Variants in LRP6 observed in about 807,000 individuals in gnomAD.
LRP6 encodes LDL receptor related protein 6.
Under a neutral mutation model 184.1 loss-of-function variants are expected in LRP6, and 43 were observed. The observed-to-expected ratio is 0.23, with a 90% CI of 0.18 to 0.30. The LOEUF (loss-of-function observed/expected upper bound fraction) is 0.30, where lower values mean the gene tolerates loss of function less well. Ranked by LOEUF, LRP6 falls within the 10% of genes least tolerant of loss-of-function variation. LRP6 has a pLI of 1.00. For synonymous variants in LRP6, 719 were observed against 684.9 expected (o/e 1.05, Z -0.78); for missense variants, 1,571 against 2,005.3 (o/e 0.78, Z 4.14).
intron 16 of LRP6, among the ~76,000 whole-genome samples, chr12:12,137,980 T>A (rs1429785723): frequency 6.6e-6 from 1 of 151,368 alleles, no homozygotes; most frequent in East Asian, 1.9e-4. Flanking sequence ...CTGGACAACA[T>A]GGTGAAACCC....
chr12:12,178,086 A>AT (rs1416412959), intron 7 of LRP6, among the ~76,000 whole-genome samples: 1 of 152,136 alleles, frequency 6.6e-6, no homozygotes, highest in African/African-American at 2.4e-5. Context: ...AGGAATTCTA[A>AT]TTTTAAAATC....
chr12:12,234,168 T>A (rs1489261146), intron 2 of LRP6, among the ~76,000 whole-genome samples: 4 of 151,940 alleles, frequency 2.6e-5, no homozygotes, highest in Non-Finnish European at 4.4e-5. Flanking sequence ...ATGCATGTAG[T>A]CCCAGCTACT....
chr12:12,166,145 CAT>C (rs1484837988), intron 7 of LRP6, among the ~76,000 whole-genome samples: 1 of 152,076 alleles, frequency 6.6e-6, no homozygotes, highest in African/African-American at 2.4e-5. Flanking sequence ...TTCACATGTA[CAT>C]GTTTTTAGTA....
chr12:12,143,563 T>C (rs1459410528), intron 15 of LRP6, among the ~76,000 whole-genome samples: 2 of 152,172 alleles, frequency 1.3e-5, no homozygotes, highest in Non-Finnish European at 2.9e-5. Flanking sequence ...CATCAGAGTC[T>C]AGAAACAAAC....
chr12:12,147,295 G>A (rs1591885246), intron 15 of LRP6, 71 bp downstream of exon 15: 2 of 1,526,630 alleles, frequency 1.3e-6, no homozygotes, highest in South Asian at 2.3e-5. Flanking sequence ...ACAATACGAT[G>A]CAAGAAAAAC....
chr12:12,147,251 T>G, intron 15 of LRP6, 115 bp downstream of exon 15: 1 of 1,166,780 alleles, frequency 8.6e-7, no homozygotes, highest in South Asian at 1.3e-5. Flanking sequence ...CTGACTACAT[T>G]TAATGAATAA....
Position 12,238,992 on chromosome 12 carries a change from C to A in LRP6, c.449+5270G>T, listed in dbSNP as rs188894040. Among the ~76,000 whole-genome samples the A allele has an allele frequency of 2.4e-3, 372 of 152,138 alleles. 2 individuals carry two copies. The highest frequency in any genetic ancestry group is 4.1e-3 in the Non-Finnish European group (282 of 67,952). On this transcript the variant is annotated intron_variant, in intron 2 of 22. Transcript: ENST00000261349. The stretch of plus-strand genomic sequence containing the variant: ...ATACCTTTCACAAAGAAAAAAAGCA[C>A]CAAACACGGAATTCAAAAATTTCAA...
chr12:12,260,445 T>C (rs1038177906), intron 1 of LRP6, among the ~76,000 whole-genome samples: 1 of 151,590 alleles, frequency 6.6e-6, no homozygotes, highest in Non-Finnish European at 1.5e-5. Flanking sequence ...GAAATTTCCA[T>C]AAGTAAAAGT....
chr12:12,186,761 T>C (rs542314321), intron 4 of LRP6, 162 bp downstream of exon 4: 18 of 688,042 alleles, frequency 2.6e-5, no homozygotes, highest in Middle Eastern at 3.7e-4. Context: ...CGAGTTCAAG[T>C]GATTCTCTTG....
At position 12,117,641 on chromosome 12, in the gene LRP6, C is replaced by G. The variant is rs751015664; in HGVS notation, c.*3485G>C. ...TGCTTAACGCATACCTCTTCAGTCTCTATTATGACTACTGGTATCAAGTCA... is the reference window on the plus strand; with the variant it reads ...TGCTTAACGCATACCTCTTCAGTCTGTATTATGACTACTGGTATCAAGTCA... On this transcript the variant is annotated 3_prime_UTR_variant, in exon 23 of 23. Transcript: ENST00000261349. The G allele has an allele frequency of 4.6e-5, 7 of 152,334 alleles. No homozygotes were observed. The highest frequency in any genetic ancestry group is 2.0e-4 in the Admixed American group (3 of 15,306). The allele number at this position is 152,334 out of a possible 1,614,324, so 9.4% of individuals were successfully genotyped here. A position where few individuals can be genotyped will look rare whatever the true frequency, so the allele number is the denominator to read the frequency against.
chr12:12,182,377 CA>C (rs1466296445), intron 5 of LRP6, among the ~76,000 whole-genome samples: 1 of 152,092 alleles, frequency 6.6e-6, no homozygotes, highest in African/African-American at 2.4e-5. Context: ...GCCCAAGCCC[CA>C]AATACTTAAC....
intron 19 of LRP6, among the ~76,000 whole-genome samples, chr12:12,128,497 A>G (rs1434700657): frequency 6.6e-6 from 1 of 152,160 alleles, no homozygotes; most frequent in Non-Finnish European, 1.5e-5. Context: ...AGTTCCTTAT[A>G]ATCAACTTCC....
At chr12:12,160,771 G>A (rs1862720568) in intron 10 of LRP6, among the ~76,000 whole-genome samples, 1 of 152,240 alleles carries the variant, frequency 6.6e-6, no homozygotes, top group African/African-American at 2.4e-5. Flanking sequence ...TTAGATGACA[G>A]AGCTAGAACT....
intron 7 of LRP6, among the ~76,000 whole-genome samples, chr12:12,168,924 T>G (rs1259623116): frequency 6.6e-6 from 1 of 152,038 alleles, no homozygotes; most frequent in Non-Finnish European, 1.5e-5. Context: ...GCCAAACATG[T>G]TAATATTTCT....
At chr12:12,134,780 C>T (rs1353600681) in intron 17 of LRP6, among the ~76,000 whole-genome samples, 4 of 152,074 alleles carry the variant, frequency 2.6e-5, no homozygotes, top group African/African-American at 9.7e-5. Context: ...AGGAAGCATA[C>T]TCATTCACAG....
chr12:12,183,226 G>C (rs1863386703), intron 5 of LRP6, among the ~76,000 whole-genome samples: 1 of 152,162 alleles, frequency 6.6e-6, no homozygotes, highest in Admixed American at 6.5e-5. Context: ...GTTAGATAAA[G>C]AAGCCACAGC....
chr12:12,158,591 C>G (rs12427106), intron 12 of LRP6, among the ~76,000 whole-genome samples: 1 of 152,154 alleles, frequency 6.6e-6, no homozygotes, highest in African/African-American at 2.4e-5. Flanking sequence ...TCCCAAAGTG[C>G]TGGGTTACGG....
At chr12:12,148,842 G>A (rs1950044025) in intron 14 of LRP6, 100 bp downstream of exon 14, 2 of 855,506 alleles carry the variant, frequency 2.3e-6, no homozygotes, top group Admixed American at 1.7e-5. Flanking sequence ...TTGTTTGCTG[G>A]AGCACAGGAC....
intron 3 of LRP6, among the ~76,000 whole-genome samples, chr12:12,198,037 GC>G (rs548770542): frequency 7.2e-4 from 110 of 152,294 alleles, no homozygotes; most frequent in South Asian, 2.5e-3. Context: ...TCCTGCCTTA[GC>G]CCCCTGAGTA....
Sources: gnomAD v4.1 joint callset for allele counts (sites outside exome capture counted in the v4.1 genomes callset) on GRCh38, gnomAD v4.1.1 for gene constraint, MANE v1.5 for transcripts, NCBI Gene and HGNC (gene_info 2026-07-23, HGNC 2026-07-21) for gene names.